TOP1MT: variants seen among roughly 807,000 people sequenced by gnomAD.
The protein encoded by TOP1MT is DNA topoisomerase I, mitochondrial.
TOP1MT carries 80 observed loss-of-function variants against 73.9 expected under a neutral mutation model. The ratio of observed to expected loss-of-function variants is 1.08; its 90% CI spans 0.90 to 1.30. TOP1MT has a LOEUF of 1.30. Among genes scored for constraint, TOP1MT ranks in the 50% most tolerant of loss-of-function variants. TOP1MT has a pLI of 0.00. For missense variants in TOP1MT, 815 were observed against 808.0 expected (o/e 1.01, Z -0.10); for synonymous variants, 338 against 326.4 (o/e 1.04, Z -0.38).
At chr8:143,343,727 T>C (rs1817172073) in intron 1 of TOP1MT, 1 of 160,806 alleles carries the variant, frequency 6.2e-6, no homozygotes, top group Non-Finnish European at 1.4e-5. Flanking sequence ...AAACCCACAT[T>C]GAACAGAGAG....
intron 8 of TOP1MT, among the ~76,000 whole-genome samples, chr8:143,320,017 G>A (rs1012690718): frequency 5.9e-5 from 9 of 151,830 alleles, no homozygotes; most frequent in Non-Finnish European, 7.4e-5. Context: ...CCAGCTACTC[G>A]GGAGGCTGAG....
At position 143,331,260 on chromosome 8, in the gene TOP1MT, C is replaced by T. The variant is rs369663765; in HGVS notation, c.202G>A (p.Glu68Lys). ...HKGPYFAPPY[E>K]PLPDGVRFFY... ...AAACGCACTCCGTCGGGAAGGGGCT[C>T]GTATGGGGGTGCGAAGTACGGGCCC... Residue 68 changes from glutamate to lysine, a missense_variant, in exon 2 of 14, where the codon GAG (glutamate) becomes AAG (lysine). Around this residue, in one of 3 missense-constraint regions of TOP1MT, gnomAD observed 751 missense variants for 725.4 expected, o/e 1.04. Coordinates refer to ENST00000329245, the MANE Select transcript of TOP1MT (RefSeq NM_052963.3). The T allele has an allele frequency of 4.3e-5, 70 of 1,611,438 alleles. 2 individuals carry two copies. Among genetic ancestry groups the T allele is most frequent in the South Asian group, 6.6e-5 (6 of 90,932 alleles).
rs1816707177 is a variant in TOP1MT, at chr8:143,326,348, C to CA, written c.361-5dup. 6.2e-7 allele frequency: 1 copy of CA among 1,613,870 alleles called. No homozygotes were observed. On this transcript the variant is annotated splice_region_variant and splice_polypyrimidine_tract_variant and intron_variant, in intron 3 of 13. Transcript: ENST00000329245. ...CCCTCTCTTCCACCGCCATTTCCTG[C>CA]AAAAACCACAGACACGCGCTCTCAC...
At chr8:143,322,195 CCA>C (rs1273771125) in intron 7 of TOP1MT, among the ~76,000 whole-genome samples, 5 of 53,870 alleles carry the variant, frequency 9.3e-5, no homozygotes, top group Non-Finnish European at 1.5e-4. Flanking sequence ...CACAGGCACG[CCA>C]CACACACAGG....
chr8:143,316,247 G>A (rs868196486), intron 10 of TOP1MT, 121 bp from the exon 11 acceptor site: 3 of 1,488,696 alleles, frequency 2.0e-6, no homozygotes, highest in East Asian at 2.3e-5. Context: ...GCACCCACTG[G>A]GATGGGGAGA....
intron 3 of TOP1MT, among the ~76,000 whole-genome samples, chr8:143,328,809 C>T (rs1424366933): frequency 4.6e-5 from 7 of 152,230 alleles, no homozygotes; most frequent in South Asian, 2.1e-4. Flanking sequence ...GGGCGAGCCT[C>T]GCAGGTGTGG....
At chr8:143,335,170 C>T (rs191364814), upstream of TOP1MT, among the ~76,000 whole-genome samples, 1,257 of 152,342 alleles carry the variant, frequency 8.3e-3, 15 homozygotes, top group African/African-American at 0.028. Flanking sequence ...ACAGGTCACA[C>T]GACCAGGCCA....
At position 143,342,195 on chromosome 8, in the gene TOP1MT, GTTATTA is replaced by G. The variant is rs74193934; in HGVS notation, c.29+1019_29+1024del. Among the ~76,000 whole-genome samples the G allele has an allele frequency of 3.1e-4, 34 of 108,980 alleles. 1 individual carries two copies. Among genetic ancestry groups the G allele is most frequent in the South Asian group, 1.0e-3 (4 of 3,954 alleles). 71.5% of individuals were successfully genotyped at this position (108,980 alleles called of 152,430 possible). A position where few individuals can be genotyped will look rare whatever the true frequency, so the allele number is the denominator to read the frequency against. ...TGTTATTATTAGAGACAGTCTCGCT[GTTATTA>G]TTATTATTAGAGACAGAGTCTCGCT... On this transcript the variant is annotated intron_variant, in intron 2 of 5. Transcript: ENST00000518007.
chr8:143,332,699 G>T, intron 1 of TOP1MT: 1 of 599,926 alleles, frequency 1.7e-6, no homozygotes, highest in Non-Finnish European at 2.7e-6. Context: ...ACGTAGAGAC[G>T]GAGCTGATAA....
At chr8:143,326,167 G>A (rs903472421) in intron 4 of TOP1MT, 55 bp downstream of exon 4, 52 of 1,600,800 alleles carry the variant, frequency 3.2e-5, no homozygotes, top group African/African-American at 2.9e-4. Context: ...GGGCCAGGCC[G>A]GCCTCTCGTT....
intron 1 of TOP1MT, 54 bp from the exon 2 acceptor site, chr8:143,331,393 T>C: frequency 6.8e-7 from 1 of 1,463,604 alleles, no homozygotes; most frequent in Admixed American, 1.8e-5. Context: ...TGCATGAGCC[T>C]CTTCCCCGCT....
At position 143,317,851 on chromosome 8, in the gene TOP1MT, T is replaced by TG. The variant is rs1816217268; in HGVS notation, c.1216-15dup. The TG allele has an allele frequency of 6.2e-7, 1 of 1,613,374 alleles. No individual in the cohort carries two copies. Among genetic ancestry groups the TG allele is most frequent in the Non-Finnish European group, 8.5e-7 (1 of 1,179,610 alleles). On this transcript the variant is annotated splice_polypyrimidine_tract_variant and intron_variant, in intron 9 of 13. Transcript: ENST00000329245. ...CAGGCTGGTCGTCTGGGGAGGAAAA[T>TG]GGTCTCTATAATTACGTGGTTTTGC...
Position 143,310,233 on chromosome 8 carries a change from G to A in TOP1MT, c.1554-16C>T, listed in dbSNP as rs764794932. The stretch of plus-strand genomic sequence containing the variant: ...CTCCAGGACACTGGCAAGAGAAGAG[G>A]AGGCCGCGAGGCCCCGCGCTGGACT... On this transcript the variant is annotated splice_polypyrimidine_tract_variant and intron_variant, in intron 12 of 13. Coordinates refer to ENST00000329245, the MANE Select transcript of TOP1MT (RefSeq NM_052963.3). 4 of 1,499,904 alleles carry A rather than the reference G, an allele frequency of 2.7e-6. No homozygotes were observed. Among genetic ancestry groups the A allele is most frequent in the Admixed American group, 4.6e-5 (2 of 43,696 alleles). 92.9% of individuals were successfully genotyped at this position (1,499,904 alleles called of 1,614,324 possible). A position where few individuals can be genotyped will look rare whatever the true frequency, so the allele number is the denominator to read the frequency against.
rs1275065752 is a variant in TOP1MT at position 143,323,566 on chromosome 8, TGCACGCCACACACACAG to T, written c.960+416_960+432del. Among the ~76,000 whole-genome samples the T allele has an allele frequency of 4.7e-4, 8 of 16,954 alleles. 2 individuals carry two copies. The highest frequency in any genetic ancestry group is 6.6e-4 in the Non-Finnish European group (6 of 9,122). 11.1% of individuals were successfully genotyped at this position (16,954 alleles called of 152,430 possible). A position where few individuals can be genotyped will look rare whatever the true frequency, so the allele number is the denominator to read the frequency against. On this transcript the variant is annotated intron_variant, in intron 7 of 13. Transcript: ENST00000329245. ...TCACCACACACGCACGCCACACACA[TGCACGCCACACACACAG>T]GCACGCCACACACACACGCACGCCA...
chr8:143,357,195 C>T (rs935564251), upstream of TOP1MT, among the ~76,000 whole-genome samples: 2 of 149,858 alleles, frequency 1.3e-5, no homozygotes, highest in Non-Finnish European at 3.0e-5. Flanking sequence ...TGAGCCTAGG[C>T]GTTCTAGACT....
Position 143,318,018 on chromosome 8 carries a change from G to A in TOP1MT, c.1215C>T (p.Thr405=), listed in dbSNP as rs200620517. The A allele has an allele frequency of 6.9e-5, 111 of 1,614,058 alleles. No individual in the cohort carries two copies. Among genetic ancestry groups the A allele is most frequent in the Non-Finnish European group, 8.2e-5 (97 of 1,179,958 alleles). The change falls in exon 9 of 14, where the codon ACC becomes ACT. Residue 405 remains threonine, a splice_region_variant and synonymous_variant. Transcript: ENST00000329245. ...DPRDDLFDRL[T]TTSLNKHLQE... ...GCTGAGGAAACACGAGCCGGCTTAC[G>A]GTCAGCCTGTCGAAGAGGTCGTCCC... is the stretch of plus-strand genomic sequence containing the variant.
rs374912182 is a variant in TOP1MT at position 143,321,187 on chromosome 8, G to A, written c.1146+14C>T. ...GTGTCACATAGCGGGGGCAGCTGGC[G>A]CGAGGGCACTCACCGGCTTCTCCAC... On this transcript the variant is annotated intron_variant, in intron 8 of 13. Coordinates refer to ENST00000329245, the MANE Select transcript of TOP1MT (RefSeq NM_052963.3). The A allele has an allele frequency of 3.2e-5, 50 of 1,573,102 alleles. No individual in the cohort carries two copies. Among genetic ancestry groups the A allele is most frequent in the African/African-American group, 2.0e-4 (15 of 73,594 alleles).
chr8:143,341,146 C>T lies in TOP1MT; in HGVS notation c.29+2074G>A, dbSNP rs1006529138. Among the ~76,000 whole-genome samples, 2 of 152,230 alleles carry T rather than the reference C, an allele frequency of 1.3e-5. No homozygotes were observed. The highest frequency in any genetic ancestry group is 6.5e-5 in the Admixed American group (1 of 15,290). On this transcript the variant is annotated intron_variant, in intron 2 of 5. Transcript: ENST00000518007. The surrounding 1 kb of genome is among the most constrained non-coding windows in gnomAD (Gnocchi z 4.1). ...CCTAGCGTCCCCGCCACCCTCTTCT[C>T]GTGCTGCCGCCCCAGTGCATCTCCC...
chr8:143,332,625 C>A (rs998484043), intron 1 of TOP1MT: 2 of 1,245,176 alleles, frequency 1.6e-6, no homozygotes, highest in Non-Finnish European at 2.1e-6. Flanking sequence ...GCATGTGCAA[C>A]AGACATTTCT....
Sources: allele counts gnomAD v4.1 joint callset (sites outside exome capture counted in the v4.1 genomes callset), GRCh38; gene constraint gnomAD v4.1.1; regional missense constraint gnomAD v4.1.1; non-coding constraint Gnocchi (gnomAD v3.1); transcripts MANE v1.5; gene names NCBI Gene and HGNC (gene_info 2026-07-23, HGNC 2026-07-21).